MYOT: variants seen among roughly 807,000 people sequenced by gnomAD.
MYOT encodes 57 kDa cytoskeletal protein.
In MYOT, 36 loss-of-function variants were observed where a neutral mutation model predicts 58.0. The observed-to-expected ratio is 0.62, with a 90% CI of 0.48 to 0.82. The LOEUF is 0.82. Among genes scored for constraint, MYOT ranks in the 40% least tolerant of loss-of-function variants. The pLI is 0.00. For missense variants in MYOT, 505 were observed against 592.1 expected (o/e 0.85, Z 1.53); for synonymous variants, 218 against 204.6 (o/e 1.07, Z -0.56).
intron 2 of MYOT, among the ~76,000 whole-genome samples, chr5:137,872,749 C>A (rs957303815): frequency 6.6e-6 from 1 of 152,188 alleles, no homozygotes; most frequent in Non-Finnish European, 1.5e-5. Context: ...TTTAGATTTT[C>A]ATCAATAGGA....
chr5:137,879,094 T>C (rs972437849), intron 4 of MYOT, among the ~76,000 whole-genome samples: 1 of 152,134 alleles, frequency 6.6e-6, no homozygotes, highest in African/African-American at 2.4e-5. Flanking sequence ...CACACCGTGC[T>C]GGCTAGTTTT....
intron 5 of MYOT, among the ~76,000 whole-genome samples, chr5:137,881,741 G>C (rs1755436934): frequency 6.6e-6 from 1 of 151,874 alleles, no homozygotes; most frequent in Non-Finnish European, 1.5e-5. Flanking sequence ...CTGTCATCCA[G>C]GCTGGAGTGC....
At chr5:137,877,497 C>T (rs767371756) in intron 3 of MYOT, 23 bp from the exon 4 acceptor site, 3 of 1,491,542 alleles carry the variant, frequency 2.0e-6, no homozygotes, top group South Asian at 2.3e-5. Context: ...AATCTAATTA[C>T]TGTCTCAATA....
chr5:137,885,771 CAAAAAAAAAAAAAAAAAA>C (rs71583286), intron 7 of MYOT, among the ~76,000 whole-genome samples: 22 of 30,976 alleles, frequency 7.1e-4, no homozygotes, highest in Non-Finnish European at 1.2e-3. Flanking sequence ...GACTCTGTCT[CAAAAAAAAAAAAAAAAAA>C]AAAAAAAAAA....
Position 137,870,587 on chromosome 5 carries a change from C to T in MYOT, c.-65C>T. On this transcript the variant is annotated 5_prime_UTR_variant, in exon 2 of 10. Coordinates refer to ENST00000239926, the MANE Select transcript of MYOT (RefSeq NM_006790.3). ...GGCTTGTGGCCCCAAATTCAGGGCC[C>T]CACCCTTCCAGGAACAAATCATTAT... 2.1e-6 allele frequency: 3 copies of T among 1,458,366 alleles called. No individual in the cohort carries two copies. The highest frequency in any genetic ancestry group is 2.9e-6 in the Non-Finnish European group (3 of 1,038,348). 90.3% of individuals were successfully genotyped at this position (1,458,366 alleles called of 1,614,324 possible). A position where few individuals can be genotyped will look rare whatever the true frequency, so the allele number is the denominator to read the frequency against.
chr5:137,877,570 T>G lies in MYOT; in HGVS notation c.582T>G (p.Asn194Lys). ...KMARRLLGPQ[N>K]AAAVFQAQDD... Reference sequence around the variant, plus strand: ...CTCGCAGATTGCTAGGACCACAGAATGCAGCTGCTGTGTTTCAAGCTCAGG... The same window carrying G: ...CTCGCAGATTGCTAGGACCACAGAAGGCAGCTGCTGTGTTTCAAGCTCAGG... Residue 194 changes from asparagine to lysine, a missense_variant, in exon 4 of 10, where the codon AAT becomes AAG. Coordinates refer to ENST00000239926, the MANE Select transcript of MYOT (RefSeq NM_006790.3). 6.2e-7 allele frequency: 1 copy of G among 1,614,040 alleles called. No homozygotes were observed. The highest frequency in any genetic ancestry group is 1.1e-5 in the South Asian group (1 of 91,084).
rs149284787 is a variant in MYOT, at chr5:137,883,494, C to A, written c.927C>A (p.Ile309=). ...IVSEKGLHSL[I]FEVVRASDAG... Reference sequence around the variant, plus strand: ...CTGAGAAGGGTCTTCATTCACTCATCTTTGAAGTAGTCAGAGCTTCAGATG... The same window carrying A: ...CTGAGAAGGGTCTTCATTCACTCATATTTGAAGTAGTCAGAGCTTCAGATG... The change falls in exon 7 of 10, where the codon ATC becomes ATA. Residue 309 remains isoleucine (I), a synonymous_variant. Transcript: ENST00000239926. 6.2e-7 allele frequency: 1 copy of A among 1,613,980 alleles called. No individual in the cohort carries two copies. The highest frequency in any genetic ancestry group is 1.3e-5 in the African/African-American group (1 of 74,894).
intron 5 of MYOT, among the ~76,000 whole-genome samples, chr5:137,881,556 C>T (rs1404787230): frequency 6.6e-6 from 1 of 152,012 alleles, no homozygotes; most frequent in African/African-American, 2.4e-5. Context: ...CCCAGCTACT[C>T]GGGAGGCTGA....
At chr5:137,879,513 CATCTT>C in intron 4 of MYOT, among the ~76,000 whole-genome samples, 1 of 135,972 alleles carries the variant, frequency 7.4e-6, no homozygotes, top group Admixed American at 7.4e-5. Context: ...GATGATGGTT[CATCTT>C]TTTTTTTTTT....
intron 6 of MYOT, among the ~76,000 whole-genome samples, chr5:137,882,391 C>T (rs1256062347): frequency 6.6e-6 from 1 of 151,828 alleles, no homozygotes; most frequent in African/African-American, 2.4e-5. Flanking sequence ...GATAGGTATA[C>T]CTAATAAATA....
chr5:137,874,495 G>C (rs1385257652), intron 2 of MYOT, among the ~76,000 whole-genome samples: 1 of 152,050 alleles, frequency 6.6e-6, no homozygotes, highest in Non-Finnish European at 1.5e-5. Context: ...TAAAAATAAA[G>C]ATTAGCCCCT....
chr5:137,874,066 A>G (rs959461938), intron 2 of MYOT, among the ~76,000 whole-genome samples: 3 of 152,188 alleles, frequency 2.0e-5, no homozygotes, highest in African/African-American at 7.2e-5. Flanking sequence ...CAGAGAAGAG[A>G]CCAAGATTGT....
chr5:137,868,714 ACCTGC>A, intron 1 of MYOT, among the ~76,000 whole-genome samples: 1 of 152,300 alleles, frequency 6.6e-6, no homozygotes, highest in East Asian at 1.9e-4. Context: ...TCAATAATGT[ACCTGC>A]CCAGAAAGAA....
At chr5:137,880,648 TG>T (rs1755396609) in intron 4 of MYOT, 167 bp from the exon 5 acceptor site, 1 of 588,268 alleles carries the variant, frequency 1.7e-6, no homozygotes, top group South Asian at 2.1e-5. Context: ...AGTGGTAGTA[TG>T]TTAGTGCACT....
rs1256886060 is a variant in MYOT, at chr5:137,883,400, C to T, written c.833C>T (p.Ala278Val). 1.2e-6 allele frequency: 2 copies of T among 1,613,962 alleles called. No individual in the cohort carries two copies. The highest frequency in any genetic ancestry group is 1.7e-6 in the Non-Finnish European group (2 of 1,180,010). The change falls in exon 7 of 10, where the codon GCT becomes GTT. Residue 278 changes from alanine (A) to valine (V), a missense_variant. Coordinates refer to ENST00000239926, the MANE Select transcript of MYOT (RefSeq NM_006790.3). ...RMDFKVSGLP[A>V]PDVSWYLNGR... The stretch of plus-strand genomic sequence containing the variant: ...TCTTTCTAGGTGAGTGGACTGCCAG[C>T]TCCTGATGTGTCATGGTATCTAAAT...
intron 7 of MYOT, 158 bp downstream of exon 7, chr5:137,883,749 A>AAT (rs899946353): frequency 5.3e-5 from 34 of 644,226 alleles, no homozygotes; most frequent in Middle Eastern, 8.0e-4. Context: ...CACAGGAAAA[A>AAT]ATATATATAT....
At chr5:137,874,135 A>G (rs866817601) in intron 2 of MYOT, among the ~76,000 whole-genome samples, 17 of 152,328 alleles carry the variant, frequency 1.1e-4, no homozygotes, top group African/African-American at 3.8e-4. Flanking sequence ...CATTGAGGGC[A>G]GTGGCTAGTT....
intron 3 of MYOT, 145 bp downstream of exon 3, chr5:137,876,148 C>T (rs1388738171): frequency 2.5e-6 from 2 of 807,490 alleles, no homozygotes; most frequent in East Asian, 2.7e-5. Flanking sequence ...GGCCCTATTC[C>T]ATTTCTCTCT....
intron 2 of MYOT, 23 bp downstream of exon 2, chr5:137,871,030 C>G: frequency 1.3e-6 from 2 of 1,589,472 alleles, no homozygotes; most frequent in East Asian, 4.5e-5. Context: ...TTATATACCG[C>G]ATGTACAGTG....
Sources: gnomAD v4.1 joint callset for allele counts (sites outside exome capture counted in the v4.1 genomes callset) on GRCh38, gnomAD v4.1.1 for gene constraint, MANE v1.5 for transcripts, NCBI Gene and HGNC (gene_info 2026-07-23, HGNC 2026-07-21) for gene names.